The following ASPHD1 variants were observed in gnomAD, a reference collection of about 807,000 sequenced individuals.
ASPHD1 encodes aspartate beta-hydroxylase domain containing 1.
Under a neutral mutation model 28.3 loss-of-function variants are expected in ASPHD1, and 20 were observed. The ratio of observed to expected loss-of-function variants is 0.71; its 90% confidence interval spans 0.50 to 1.03. The LOEUF (loss-of-function observed/expected upper bound fraction) is 1.03. Among genes scored for constraint, ASPHD1 ranks in the 50% least tolerant of loss-of-function variants. ASPHD1 has a pLI of 0.00. For synonymous variants in ASPHD1, 240 were observed against 221.2 expected (o/e 1.08, Z -0.75); for missense variants, 479 against 524.1 (o/e 0.91, Z 0.84).
At position 29,905,650 on chromosome 16, in the gene ASPHD1, AAAAG is replaced by A. The variant is rs2068599810; in HGVS notation, c.1064-136_1064-133del. 6 of 460,730 alleles carry A rather than the reference AAAAG, an allele frequency of 1.3e-5. 1 individual carries two copies. In the South Asian group the frequency reaches 2.0e-4, roughly 15 times the overall value. The allele number at this position is 460,730 out of a possible 1,614,324, so 28.5% of individuals were successfully genotyped here. A position where few individuals can be genotyped will look rare whatever the true frequency, so the allele number is the denominator to read the frequency against. ...TCAGGAAAAAAAAAAAAAAAAAAAA[AAAAG>A]ATTTGATACATTTAAAGGGTTAGAA... On this transcript the variant is annotated intron_variant, in intron 2 of 2. Transcript: ENST00000308748.
downstream of ASPHD1, among the ~76,000 whole-genome samples, chr16:29,910,589 G>A (rs2068690452): frequency 6.6e-6 from 1 of 151,996 alleles, no homozygotes; most frequent in Non-Finnish European, 1.5e-5. Context: ...GAACTCCTGG[G>A]CTCAAGTGAT....
At chr16:29,911,818 G>T (rs1182358463) in intron 3 of ASPHD1, 5 of 1,612,818 alleles carry the variant, frequency 3.1e-6, no homozygotes, top group Non-Finnish European at 4.2e-6. Context: ...CGGTCACCTG[G>T]TGTAGGAGTA....
At chr16:29,912,335 G>A (rs772762843) in intron 3 of ASPHD1, 5 of 513,348 alleles carry the variant, frequency 9.7e-6, no homozygotes, top group Admixed American at 3.9e-5. Context: ...TGGCGTGTCC[G>A]TCATGCCATT....
At chr16:29,917,594 A>G (rs1253681189) in intron 3 of ASPHD1, among the ~76,000 whole-genome samples, 3 of 152,150 alleles carry the variant, frequency 2.0e-5, no homozygotes, top group Non-Finnish European at 4.4e-5. Context: ...AGTCTGGCCA[A>G]CGTCGTGAAA....
At chr16:29,907,024 G>C (rs1476918507), downstream of ASPHD1, 1 of 1,614,200 alleles carries the variant, frequency 6.2e-7, no homozygotes, top group Admixed American at 1.7e-5. Context: ...GTGGCCTCCA[G>C]GAGGGCTGGG....
intron 3 of ASPHD1, chr16:29,913,299 T>G (rs1237266236): frequency 1.3e-5 from 2 of 151,998 alleles, no homozygotes; most frequent in African/African-American, 2.4e-5. Context: ...GATATTAAGA[T>G]AGGCTGCAAA....
chr16:29,901,389 C>T lies in ASPHD1; in HGVS notation c.418C>T (p.Pro140Ser), dbSNP rs761357504. Residue 140 changes from proline to serine, a missense_variant, in exon 1 of 3, where the codon CCT (proline) becomes TCT (serine). Pro to Ser is a moderately conservative substitution (Grantham distance 74, BLOSUM62 -1). Transcript: ENST00000308748. The surrounding 1 kb of genome is among the most constrained non-coding windows in gnomAD (Gnocchi z 5.1). ...GGGTCCTGGGGATCCCGGGGAAGGA[C>T]CTAGGACGGAAGGCCTAGTGAGCCG... ...PGGPGDPGEG[P>S]RTEGLVSRRL... 2.5e-6 allele frequency: 4 copies of T among 1,591,692 alleles called. No individual in the cohort carries two copies. Among genetic ancestry groups the T allele is most frequent in the East Asian group, 4.5e-5 (2 of 44,684 alleles).
chr16:29,904,785 T>TTC, intron 1 of ASPHD1, 67 bp from the exon 2 acceptor site: 1 of 1,039,020 alleles, frequency 9.6e-7, no homozygotes, highest in Non-Finnish European at 1.4e-6. Flanking sequence ...TAGTTGCTAA[T>TTC]TGACTGGCCA....
Position 29,902,877 on chromosome 16 carries a change from TTTTTTC to T in ASPHD1, c.949+969_949+974del, listed in dbSNP as rs1235466921. Among the ~76,000 whole-genome samples the T allele has an allele frequency of 3.5e-4, 40 of 114,968 alleles. 1 individual carries two copies. The South Asian group carries it at 5.0e-3, about 14-fold the overall frequency. 75.4% of individuals were successfully genotyped at this position (114,968 alleles called of 152,430 possible). A position where few individuals can be genotyped will look rare whatever the true frequency, so the allele number is the denominator to read the frequency against. ...AAGTTACAGTAGCACCAAACTGAGA[TTTTTTC>T]TTTTTCTTTTTTTTTTTTTTTTGAG... On this transcript the variant is annotated intron_variant, in intron 1 of 2. Transcript: ENST00000308748.
chr16:29,906,704 G>C (rs2068619209), downstream of ASPHD1: 5 of 681,372 alleles, frequency 7.3e-6, no homozygotes, highest in South Asian at 4.9e-5. Context: ...GTTAGCAATG[G>C]GGTTGGGATG....
intron 2 of ASPHD1, among the ~76,000 whole-genome samples, chr16:29,905,584 C>T (rs1455831196): frequency 5.6e-5 from 8 of 143,994 alleles, no homozygotes; most frequent in Non-Finnish European, 8.9e-5. Context: ...GCCGAAATTG[C>T]GCCACTGCAC....
Position 29,904,444 on chromosome 16 carries a change from C to CAA in ASPHD1, c.950-398_950-397dup, listed in dbSNP as rs527335929. On this transcript the variant is annotated intron_variant, in intron 1 of 2. Transcript: ENST00000308748. ...CTGGCGACAGAGCAAGACTACATCTCAAAAAAAAAAACAAAACAAAAAATT... is the reference window on the plus strand; with the variant it reads ...CTGGCGACAGAGCAAGACTACATCTCAAAAAAAAAAAAACAAAACAAAAAATT... 1.2e-3 allele frequency among the ~76,000 whole-genome samples: 158 copies of CAA among 137,226 alleles called. 1 individual carries two copies. The highest frequency in any genetic ancestry group is 4.0e-3 in the African/African-American group (148 of 37,288). The allele number at this position is 137,226 out of a possible 152,430, so 90.0% of individuals were successfully genotyped here.
At chr16:29,902,751 G>A (rs1164884413) in intron 1 of ASPHD1, among the ~76,000 whole-genome samples, 1 of 151,930 alleles carries the variant, frequency 6.6e-6, no homozygotes, top group East Asian at 1.9e-4. Context: ...TCCTGACCTC[G>A]TGATCAATCC....
rs371497934 is a variant in ASPHD1, at chr16:29,905,858, G to C, written c.1134G>C (p.Glu378Asp). Residue 378 changes from glutamate to aspartate, a missense_variant, in exon 3 of 3, where the codon GAG (glutamate) becomes GAC (aspartate). Physicochemically the swap from Glu to Asp is conservative, Grantham distance 45 (BLOSUM62 2). Transcript: ENST00000308748. ...GGCACCCCAACGTGGCAGGGGCTGA[G>C]CGCCAGGCCCTCGACTTTGTCTTCG... ...DLWHPNVAGA[E>D]RQALDFVFAP... is the part of the protein sequence containing the mutation. 1 of 1,613,664 alleles carries C rather than the reference G, an allele frequency of 6.2e-7. No individual in the cohort carries two copies. Among genetic ancestry groups the C allele is most frequent in the African/African-American group, 1.3e-5 (1 of 74,854 alleles).
chr16:29,912,275 G>T (rs1197764047), intron 3 of ASPHD1: 1 of 577,156 alleles, frequency 1.7e-6, no homozygotes, highest in South Asian at 2.3e-5. Flanking sequence ...GCCTGCCCCG[G>T]CCACTGGCTG....
chr16:29,907,085 G>A, downstream of ASPHD1: 1 of 1,606,514 alleles, frequency 6.2e-7, no homozygotes, highest in Non-Finnish European at 8.5e-7. Context: ...TCTCCTCGAA[G>A]ATCCGGGCCT....
In ASPHD1 at chr16:29,901,936, C is replaced by T. The variant is rs1159282462; in HGVS notation, c.949+16C>T. ...TGCCATCTGGGTAAGTAGCTGCCGC[C>T]TACTGACAACCTCCTTGCCTCGATG... On this transcript the variant is annotated intron_variant, in intron 1 of 2. Transcript: ENST00000308748. The surrounding 1 kb of genome is among the most constrained non-coding windows in gnomAD (Gnocchi z 5.1). 1.4e-6 allele frequency: 2 copies of T among 1,459,446 alleles called. No homozygotes were observed. Among genetic ancestry groups the T allele is most frequent in the Non-Finnish European group, 1.8e-6 (2 of 1,107,554 alleles). The allele number at this position is 1,459,446 out of a possible 1,614,324, so 90.4% of individuals were successfully genotyped here. A position where few individuals can be genotyped will look rare whatever the true frequency, so the allele number is the denominator to read the frequency against.
intron 3 of ASPHD1, among the ~76,000 whole-genome samples, chr16:29,912,600 C>T (rs2068735380): frequency 6.6e-6 from 1 of 152,152 alleles, no homozygotes; most frequent in Admixed American, 6.6e-5. Context: ...GCCACCACAC[C>T]CAGCTAATTT....
downstream of ASPHD1, chr16:29,906,088 G>C: frequency 2.1e-6 from 1 of 485,230 alleles, no homozygotes; most frequent in Non-Finnish European, 3.7e-6. Context: ...GGGAGAGGCT[G>C]GGGCAGGGCC....
Sources: gnomAD v4.1 joint callset for allele counts (sites outside exome capture counted in the v4.1 genomes callset) on GRCh38, gnomAD v4.1.1 for gene constraint, Gnocchi (gnomAD v3.1) non-coding constraint, MANE v1.5 for transcripts, NCBI Gene and HGNC (gene_info 2026-07-23, HGNC 2026-07-21) for gene names.